The following SUPT3H variants were observed in gnomAD, a reference collection of about 807,000 sequenced individuals.
SUPT3H encodes SPT3 homolog, SAGA and STAGA complex component, also known as transcription initiation protein SPT3 homolog.
In SUPT3H, 44 loss-of-function variants were observed where a neutral mutation model predicts 44.3. The ratio of observed to expected loss-of-function variants is 0.99; its 90% confidence interval spans 0.78 to 1.28. The LOEUF (loss-of-function observed/expected upper bound fraction) is 1.28. SUPT3H is among the 50% of genes most tolerant of loss of function. The probability of loss-of-function intolerance (pLI) is 0.00; values close to 1 mark genes in which losing one functional copy is unlikely to be tolerated. For synonymous variants in SUPT3H, 124 were observed against 125.6 expected (o/e 0.99, Z 0.09); for missense variants, 380 against 387.1 (o/e 0.98, Z 0.15).
chr6:44,853,014 G>A (rs898761623), intron 10 of SUPT3H, among the ~76,000 whole-genome samples: 1 of 152,140 alleles, frequency 6.6e-6, no homozygotes, highest in African/African-American at 2.4e-5. Context: ...AGTGGCTGTA[G>A]AAAGTATGTT....
intron 5 of SUPT3H, among the ~76,000 whole-genome samples, chr6:45,012,054 C>T (rs1783561659): frequency 6.7e-6 from 1 of 149,948 alleles, no homozygotes; most frequent in African/African-American, 2.4e-5. Flanking sequence ...TCAGGGTCCC[C>T]CTGTATATGC....
At chr6:45,099,090 A>G in intron 3 of SUPT3H, 1 of 363,172 alleles carries the variant, frequency 2.8e-6, no homozygotes. Flanking sequence ...TGTGGTGAAC[A>G]TTGCCCAGCC....
At chr6:44,847,598 C>T (rs983299059) in intron 10 of SUPT3H, among the ~76,000 whole-genome samples, 1 of 151,920 alleles carries the variant, frequency 6.6e-6, no homozygotes, top group Non-Finnish European at 1.5e-5. Flanking sequence ...AGTGATTCTC[C>T]TGCCTCAGCC....
intron 3 of SUPT3H, among the ~76,000 whole-genome samples, chr6:45,024,716 G>A (rs1201373305): frequency 6.6e-6 from 1 of 152,190 alleles, no homozygotes; most frequent in African/African-American, 2.4e-5. Context: ...TTCCGGGAGT[G>A]ACTATGAGGG....
At chr6:45,055,541 C>T (rs560801401) in intron 3 of SUPT3H, among the ~76,000 whole-genome samples, 14 of 152,098 alleles carry the variant, frequency 9.2e-5, no homozygotes, top group African/African-American at 2.4e-4. Context: ...AACTGATCTT[C>T]GACAAAACAA....
At chr6:44,938,439 A>T (rs992986345) in intron 9 of SUPT3H, among the ~76,000 whole-genome samples, 5 of 152,080 alleles carry the variant, frequency 3.3e-5, no homozygotes, top group Non-Finnish European at 5.9e-5. Context: ...CTATGTGTCT[A>T]TTTTTATATC....
chr6:45,050,278 A>AGTGTGTGTGTGTGTGTGTGTGTGTGT (rs57510967), intron 3 of SUPT3H, among the ~76,000 whole-genome samples: 6 of 147,318 alleles, frequency 4.1e-5, no homozygotes, highest in East Asian at 4.0e-4. Flanking sequence ...CTTTTTCTGC[A>AGTGTGTGTGTGTGTGTGTGTGTGTGT]GTGTGTGTGT....
chr6:45,211,766 T>C (rs1764116895), intron 2 of SUPT3H, among the ~76,000 whole-genome samples: 2 of 152,094 alleles, frequency 1.3e-5, no homozygotes, highest in African/African-American at 4.8e-5. Context: ...GGAGAATCAC[T>C]TGAATCCCGG....
At chr6:45,332,642 A>C (rs1395790006) in intron 2 of SUPT3H, among the ~76,000 whole-genome samples, 1 of 151,778 alleles carries the variant, frequency 6.6e-6, no homozygotes, top group Non-Finnish European at 1.5e-5. Context: ...ACCTAACAAA[A>C]ATCTTTAGAC....
chr6:45,345,941 T>C (rs756767614), intron 2 of SUPT3H, among the ~76,000 whole-genome samples: 1 of 152,146 alleles, frequency 6.6e-6, no homozygotes, highest in African/African-American at 2.4e-5. Context: ...CTCTGTGTCT[T>C]TGATCATGCT....
At chr6:45,300,085 A>G (rs946904749) in intron 2 of SUPT3H, among the ~76,000 whole-genome samples, 3 of 152,206 alleles carry the variant, frequency 2.0e-5, no homozygotes, top group African/African-American at 7.2e-5. Flanking sequence ...CACTGAAACT[A>G]TGTCAAGAAT....
intron 2 of SUPT3H, among the ~76,000 whole-genome samples, chr6:45,180,144 G>A (rs1191097051): frequency 1.5e-5 from 2 of 130,478 alleles, no homozygotes; most frequent in African/African-American, 5.9e-5. Flanking sequence ...AAAATACCTA[G>A]GAATCCAACT....
chr6:45,136,161 T>C (rs1274493675), intron 2 of SUPT3H, among the ~76,000 whole-genome samples: 12 of 152,116 alleles, frequency 7.9e-5, no homozygotes, highest in Admixed American at 7.9e-4. Flanking sequence ...ATTCAAACTA[T>C]TTGAGCACAA....
At chr6:45,315,707 G>A (rs1784576321) in intron 2 of SUPT3H, among the ~76,000 whole-genome samples, 1 of 152,124 alleles carries the variant, frequency 6.6e-6, no homozygotes, top group East Asian at 1.9e-4. Flanking sequence ...AGCTGCTATG[G>A]AAAACAGTGT....
At chr6:45,337,857 T>G (rs185827092) in intron 2 of SUPT3H, among the ~76,000 whole-genome samples, 1 of 151,986 alleles carries the variant, frequency 6.6e-6, no homozygotes, top group Non-Finnish European at 1.5e-5. Flanking sequence ...CTACTGTAAG[T>G]AGAAATAAGA....
At chr6:44,956,500 AAATAAAAAAAAAAAAG>A (rs1562131549) in intron 7 of SUPT3H, among the ~76,000 whole-genome samples, 20 of 9,472 alleles carry the variant, frequency 2.1e-3, no homozygotes, top group Admixed American at 4.2e-3. Context: ...AAAAAAATAA[AAATAAAAAAAAAAAAG>A]TGTCTATTAC....
chr6:45,182,650 AT>A (rs774174203), intron 2 of SUPT3H, among the ~76,000 whole-genome samples: 3 of 152,226 alleles, frequency 2.0e-5, no homozygotes, highest in Non-Finnish European at 2.9e-5. Flanking sequence ...CCTATATGGT[AT>A]TTGACCTACG....
intron 10 of SUPT3H, among the ~76,000 whole-genome samples, chr6:44,923,613 T>G (rs1387105529): frequency 6.6e-6 from 1 of 152,062 alleles, no homozygotes; most frequent in Non-Finnish European, 1.5e-5. Context: ...TAACACAAAG[T>G]GAAAGCAGGA....
At chr6:45,312,271 G>A (rs2149993827) in intron 2 of SUPT3H, among the ~76,000 whole-genome samples, 1 of 152,242 alleles carries the variant, frequency 6.6e-6, no homozygotes, top group African/African-American at 2.4e-5. Context: ...CACTTTGGGA[G>A]GCCAAGGTGT....
Sources: gnomAD v4.1 joint callset for allele counts (sites outside exome capture counted in the v4.1 genomes callset) on GRCh38, gnomAD v4.1.1 for gene constraint, MANE v1.5 for transcripts, NCBI Gene and HGNC (gene_info 2026-07-23, HGNC 2026-07-21) for gene names.